KLHL7: variants seen among roughly 807,000 people sequenced by gnomAD.
The protein encoded by KLHL7 is kelch-like protein 7.
In KLHL7, 44 loss-of-function variants were observed where a neutral mutation model predicts 67.4. The observed-to-expected ratio is 0.65, with a 90% CI of 0.51 to 0.84. KLHL7 has a LOEUF of 0.84. Among genes scored for constraint, KLHL7 ranks in the 40% least tolerant of loss-of-function variants. KLHL7 has a pLI of 0.00. For synonymous variants in KLHL7, 252 were observed against 243.3 expected (o/e 1.04, Z -0.33); for missense variants, 362 against 718.1 (o/e 0.50, Z 5.67).
chr7:23,121,776 G>T (rs1783355523), intron 1 of KLHL7, among the ~76,000 whole-genome samples: 1 of 149,724 alleles, frequency 6.7e-6, no homozygotes, highest in Non-Finnish European at 1.5e-5. Flanking sequence ...TCCGCCTCCT[G>T]GGTTCATGCC....
chr7:23,157,872 G>C (rs1232003768), intron 7 of KLHL7, among the ~76,000 whole-genome samples: 1 of 152,168 alleles, frequency 6.6e-6, no homozygotes, highest in Non-Finnish European at 1.5e-5. Flanking sequence ...CTCTAAAAAG[G>C]GTCAGGGAGA....
At chr7:23,135,960 A>G (rs951548094) in intron 4 of KLHL7, among the ~76,000 whole-genome samples, 6 of 152,178 alleles carry the variant, frequency 3.9e-5, no homozygotes, top group East Asian at 1.9e-4. Context: ...GTGACTTGCT[A>G]TAGCCTGTGG....
Position 23,135,501 on chromosome 7 carries a change from A to G in KLHL7, c.443-5268A>G, listed in dbSNP as rs187118266. Among the ~76,000 whole-genome samples, 34 of 152,284 alleles carry G rather than the reference A, an allele frequency of 2.2e-4. No individual in the cohort carries two copies. The East Asian group carries it at 6.0e-3, about 27-fold the overall frequency. ...TGTTTGTTGATTTTCTGTCTGGAAGATCTCTCCAGTGCTGAAAGTGGGGTG... is the reference window on the plus strand; with the variant it reads ...TGTTTGTTGATTTTCTGTCTGGAAGGTCTCTCCAGTGCTGAAAGTGGGGTG... On this transcript the variant is annotated intron_variant, in intron 4 of 10. Coordinates refer to ENST00000339077, the MANE Select transcript of KLHL7 (RefSeq NM_001031710.3).
At chr7:23,112,554 G>A (rs549896244) in intron 1 of KLHL7, among the ~76,000 whole-genome samples, 1 of 152,112 alleles carries the variant, frequency 6.6e-6, no homozygotes, top group Admixed American at 6.6e-5. Flanking sequence ...TGAGAGTTTC[G>A]AAAATTGGGA....
intron 4 of KLHL7, among the ~76,000 whole-genome samples, chr7:23,127,117 G>T (rs1241494685): frequency 6.6e-6 from 1 of 152,134 alleles, no homozygotes; most frequent in Non-Finnish European, 1.5e-5. Flanking sequence ...TAAGTTTTTG[G>T]AAATGATGGC....
chr7:23,165,577 T>G, intron 7 of KLHL7, 121 bp from the exon 8 acceptor site: 5 of 1,142,772 alleles, frequency 4.4e-6, no homozygotes, highest in South Asian at 1.3e-5. Flanking sequence ...AAGCCAAACA[T>G]TTGTATGTGT....
intron 4 of KLHL7, chr7:23,129,261 C>A: frequency 3.9e-6 from 1 of 255,580 alleles, no homozygotes; most frequent in Non-Finnish European, 7.7e-6. Context: ...TGTTGTACAT[C>A]ACCAAACACT....
chr7:23,146,359 T>G (rs992047551), intron 6 of KLHL7, among the ~76,000 whole-genome samples: 2 of 152,222 alleles, frequency 1.3e-5, no homozygotes, highest in African/African-American at 4.8e-5. Flanking sequence ...ACACTCCATC[T>G]GCCAGCTGTC....
intron 5 of KLHL7, among the ~76,000 whole-genome samples, chr7:23,142,637 A>G (rs1159634707): frequency 6.6e-6 from 1 of 152,146 alleles, no homozygotes; most frequent in Non-Finnish European, 1.5e-5. Context: ...TGAAAATGCC[A>G]TTCACCTCTA....
intron 7 of KLHL7, among the ~76,000 whole-genome samples, chr7:23,154,486 T>C (rs1190430940): frequency 1.3e-5 from 2 of 152,210 alleles, no homozygotes; most frequent in Non-Finnish European, 2.9e-5. Context: ...CAATCAGCAC[T>C]GTATTCTAGG....
intron 4 of KLHL7, among the ~76,000 whole-genome samples, chr7:23,126,612 G>A (rs184381932): frequency 6.6e-6 from 1 of 152,144 alleles, no homozygotes; most frequent in Admixed American, 6.5e-5. Context: ...CAGAATTTTG[G>A]CAAGTCTCCT....
chr7:23,175,443 C>T lies in KLHL7; in HGVS notation c.*1145C>T, dbSNP rs1785276684. The T allele has an allele frequency of 2.4e-6, 1 of 418,190 alleles. No individual in the cohort carries two copies. The highest frequency in any genetic ancestry group is 4.6e-6 in the Non-Finnish European group (1 of 215,678). 25.9% of individuals were successfully genotyped at this position (418,190 alleles called of 1,614,324 possible). A position where few individuals can be genotyped will look rare whatever the true frequency, so the allele number is the denominator to read the frequency against. ...AAAATAGGCCACTCAGTTTGTTCTT[C>T]AAGTATTTTAGGTAATGGTTGTTTT... On this transcript the variant is annotated 3_prime_UTR_variant, in exon 11 of 11. Transcript: ENST00000339077.
At position 23,176,392 on chromosome 7, in the gene KLHL7, G is replaced by A. The variant is rs1785295454; in HGVS notation, c.*2094G>A. On this transcript the variant is annotated 3_prime_UTR_variant, in exon 11 of 11. Coordinates refer to ENST00000339077, the MANE Select transcript of KLHL7 (RefSeq NM_001031710.3). Reference sequence around the variant, plus strand: ...CCTGTGTGTCTCTGTATCTTCACATGGTGTTCTTATAAGGACAACATAGGA... The same window carrying A: ...CCTGTGTGTCTCTGTATCTTCACATAGTGTTCTTATAAGGACAACATAGGA... 1 of 152,088 alleles carries A rather than the reference G, an allele frequency of 6.6e-6. No homozygotes were observed. Among genetic ancestry groups the A allele is most frequent in the South Asian group, 2.1e-4 (1 of 4,822 alleles). The allele number at this position is 152,088 out of a possible 1,614,324, so 9.4% of individuals were successfully genotyped here.
At chr7:23,123,433 G>C (rs907690655) in intron 1 of KLHL7, among the ~76,000 whole-genome samples, 1 of 148,076 alleles carries the variant, frequency 6.8e-6, no homozygotes, top group Non-Finnish European at 1.5e-5. Context: ...TGATGTCATT[G>C]AATTTCCCCC....
intron 1 of KLHL7, among the ~76,000 whole-genome samples, chr7:23,113,493 G>C (rs1309649098): frequency 2.0e-5 from 3 of 152,186 alleles, no homozygotes; most frequent in Non-Finnish European, 1.5e-5. Flanking sequence ...TAATTGCTGA[G>C]ATTAGAAGCA....
chr7:23,166,090 T>C, intron 8 of KLHL7, 152 bp downstream of exon 8: 2 of 899,380 alleles, frequency 2.2e-6, no homozygotes, highest in Non-Finnish European at 3.4e-6. Flanking sequence ...CTCATCTCCC[T>C]GAAGGTTTAT....
chr7:23,147,486 G>C (rs1226656777), intron 6 of KLHL7, among the ~76,000 whole-genome samples: 2 of 152,054 alleles, frequency 1.3e-5, no homozygotes, highest in Non-Finnish European at 2.9e-5. Context: ...TTTTATGTTT[G>C]GTAATGTCAG....
intron 4 of KLHL7, 83 bp downstream of exon 4, chr7:23,125,255 A>C: frequency 1.4e-6 from 2 of 1,400,772 alleles, no homozygotes; most frequent in East Asian, 2.3e-5. Flanking sequence ...GGCTGATTTT[A>C]AGTATCCGCA....
rs557634071 is a variant in KLHL7, at chr7:23,177,610, G to A, written c.*3312G>A. Reference sequence around the variant, plus strand: ...CCCAAAACTCCCTGTCCTGTAAAGTGCTCTGCTTGCTTTTTAGTAGACATT... The same window carrying A: ...CCCAAAACTCCCTGTCCTGTAAAGTACTCTGCTTGCTTTTTAGTAGACATT... On this transcript the variant is annotated 3_prime_UTR_variant, in exon 11 of 11. Coordinates refer to ENST00000339077, the MANE Select transcript of KLHL7 (RefSeq NM_001031710.3). The A allele has an allele frequency of 4.6e-4, 70 of 152,140 alleles. No homozygotes were observed. Among genetic ancestry groups the A allele is most frequent in the African/African-American group, 1.7e-3 (70 of 41,508 alleles). 9.4% of individuals were successfully genotyped at this position (152,140 alleles called of 1,614,324 possible).
Sources: gnomAD v4.1 joint callset for allele counts (sites outside exome capture counted in the v4.1 genomes callset) on GRCh38, gnomAD v4.1.1 for gene constraint, MANE v1.5 for transcripts, NCBI Gene and HGNC (gene_info 2026-07-23, HGNC 2026-07-21) for gene names.